The following SGTB variants were observed in gnomAD, a reference collection of about 807,000 sequenced individuals.
The protein encoded by SGTB is small glutamine-rich tetratricopeptide repeat-containing protein beta.
Under a neutral mutation model 43.9 loss-of-function variants are expected in SGTB, and 19 were observed. The observed-to-expected ratio is 0.43, with a 90% confidence interval of 0.30 to 0.63. The LOEUF is 0.63. Among genes scored for constraint, SGTB ranks in the 30% least tolerant of loss-of-function variants. SGTB has a pLI of 0.12. For synonymous variants in SGTB, 116 were observed against 117.3 expected (o/e 0.99, Z 0.07); for missense variants, 304 against 358.9 (o/e 0.85, Z 1.24).
intron 3 of SGTB, among the ~76,000 whole-genome samples, chr5:65,709,860 A>G (rs1411232515): frequency 6.6e-6 from 1 of 152,212 alleles, no homozygotes; most frequent in African/African-American, 2.4e-5. Context: ...TTGGCTTCCC[A>G]AAGTGTTGGG....
At chr5:65,696,957 C>T (rs1043263109) in intron 5 of SGTB, among the ~76,000 whole-genome samples, 5 of 152,072 alleles carry the variant, frequency 3.3e-5, no homozygotes, top group African/African-American at 7.2e-5. Context: ...TTAGTTCATC[C>T]TAGTGAGTTG....
At chr5:65,711,214 T>C (rs867637882) in intron 3 of SGTB, among the ~76,000 whole-genome samples, 1 of 151,998 alleles carries the variant, frequency 6.6e-6, no homozygotes, top group Middle Eastern at 3.4e-3. Flanking sequence ...GAAGATATAC[T>C]AGGCAGCCAG....
chr5:65,676,223 A>G (rs751256891), intron 8 of SGTB, among the ~76,000 whole-genome samples: 4 of 152,160 alleles, frequency 2.6e-5, no homozygotes, highest in African/African-American at 9.7e-5. Flanking sequence ...AAACCAAAGA[A>G]GATCAAAAAA....
chr5:65,711,788 A>G (rs1055979405), intron 3 of SGTB, among the ~76,000 whole-genome samples: 5 of 152,250 alleles, frequency 3.3e-5, no homozygotes, highest in Admixed American at 6.5e-5. Flanking sequence ...TTCTAGAAAC[A>G]GAGCCTGGAA....
At chr5:65,708,933 T>G (rs948029189) in intron 3 of SGTB, among the ~76,000 whole-genome samples, 2 of 151,866 alleles carry the variant, frequency 1.3e-5, no homozygotes, top group African/African-American at 4.8e-5. Flanking sequence ...CCCAGCTACT[T>G]GGGAGGCTGA....
intron 2 of SGTB, 41 bp from the exon 3 acceptor site, chr5:65,713,105 T>TA: frequency 6.8e-7 from 1 of 1,466,434 alleles, no homozygotes. Flanking sequence ...TTAGCAATTT[T>TA]AAAAAAGAAA....
chr5:65,686,137 T>C (rs574581565), intron 5 of SGTB, among the ~76,000 whole-genome samples: 1 of 152,296 alleles, frequency 6.6e-6, no homozygotes, highest in Non-Finnish European at 1.5e-5. Context: ...AGAGAAGCTC[T>C]AAGACAGATG....
At chr5:65,689,784 T>G (rs1044402240) in intron 5 of SGTB, among the ~76,000 whole-genome samples, 1 of 151,984 alleles carries the variant, frequency 6.6e-6, no homozygotes, top group African/African-American at 2.4e-5. Context: ...GAAAAGGTGG[T>G]TTTAGGTCTA....
chr5:65,720,609 T>C, intron 2 of SGTB, 99 bp downstream of exon 2: 1 of 1,398,150 alleles, frequency 7.2e-7, no homozygotes, highest in Non-Finnish European at 9.5e-7. Context: ...TCAAAAAAAA[T>C]TCTGATTATG....
intron 8 of SGTB, among the ~76,000 whole-genome samples, chr5:65,673,097 A>T (rs969477992): frequency 6.6e-6 from 1 of 152,118 alleles, no homozygotes; most frequent in East Asian, 1.9e-4. Context: ...TTCTCCCACA[A>T]TCTAGGACCT....
chr5:65,677,517 C>G (rs1669010357), intron 8 of SGTB, among the ~76,000 whole-genome samples: 1 of 152,110 alleles, frequency 6.6e-6, no homozygotes, highest in South Asian at 2.1e-4. Flanking sequence ...ATACCAAAAC[C>G]TGGCAGAGAT....
At chr5:65,688,259 A>T (rs1757536847) in intron 5 of SGTB, among the ~76,000 whole-genome samples, 1 of 152,208 alleles carries the variant, frequency 6.6e-6, no homozygotes, top group Admixed American at 6.5e-5. Context: ...ATATATACTA[A>T]GTCCAGGTCT....
rs1757067116 is a variant in SGTB at position 65,667,684 on chromosome 5, C to T, written c.*2562G>A. On this transcript the variant is annotated 3_prime_UTR_variant, in exon 11 of 11. Coordinates refer to ENST00000381007, the MANE Select transcript of SGTB (RefSeq NM_019072.3). ...AGGTGTTTGCAGGTCTGAGAAACCT[C>T]TAACCTAGTGTTCCTCTAAATTAGA... 1 of 152,208 alleles carries T rather than the reference C, an allele frequency of 6.6e-6. No individual in the cohort carries two copies. The highest frequency in any genetic ancestry group is 2.4e-5 in the African/African-American group (1 of 41,456). The allele number at this position is 152,208 out of a possible 1,614,324, so 9.4% of individuals were successfully genotyped here.
intron 2 of SGTB, among the ~76,000 whole-genome samples, chr5:65,719,940 A>G (rs552582737): frequency 6.6e-6 from 1 of 152,322 alleles, no homozygotes; most frequent in African/African-American, 2.4e-5. Context: ...GTATTTTTAT[A>G]TATTATTTCT....
At chr5:65,713,795 A>C (rs1307077543) in intron 2 of SGTB, among the ~76,000 whole-genome samples, 1 of 152,150 alleles carries the variant, frequency 6.6e-6, no homozygotes, top group Non-Finnish European at 1.5e-5. Context: ...TGGGAGGCCA[A>C]GGAGAGTGGA....
chr5:65,682,926 C>T (rs1757424442), intron 6 of SGTB, among the ~76,000 whole-genome samples: 1 of 151,924 alleles, frequency 6.6e-6, no homozygotes, highest in Non-Finnish European at 1.5e-5. Context: ...GAGTTAGGTT[C>T]CTGCAACTGT....
intron 5 of SGTB, among the ~76,000 whole-genome samples, chr5:65,687,404 T>A (rs779437127): frequency 2.0e-5 from 3 of 152,188 alleles, no homozygotes; most frequent in Non-Finnish European, 4.4e-5. Context: ...CTTGAAAAGT[T>A]TATATACTTC....
chr5:65,698,059 C>T (rs553252463), intron 5 of SGTB, among the ~76,000 whole-genome samples: 1 of 152,260 alleles, frequency 6.6e-6, no homozygotes, highest in South Asian at 2.1e-4. Flanking sequence ...AGGCAACAGA[C>T]TGTGAAGGGG....
At chr5:65,678,131 T>C (rs1251684791) in intron 8 of SGTB, among the ~76,000 whole-genome samples, 2 of 152,196 alleles carry the variant, frequency 1.3e-5, no homozygotes, top group Non-Finnish European at 2.9e-5. Flanking sequence ...ATTAAGCTGA[T>C]AAGCAACTTC....
Sources: allele counts gnomAD v4.1 joint callset (sites outside exome capture counted in the v4.1 genomes callset), GRCh38; gene constraint gnomAD v4.1.1; transcripts MANE v1.5; gene names NCBI Gene and HGNC (gene_info 2026-07-23, HGNC 2026-07-21).